Variants in ATP10A observed in about 807,000 individuals in gnomAD.
The protein encoded by ATP10A is ATPase phospholipid transporting 10A (putative).
In ATP10A, 111 loss-of-function variants were observed where a neutral mutation model predicts 147.8. The observed-to-expected ratio is 0.75, with a 90% CI of 0.64 to 0.88. ATP10A has a LOEUF of 0.88. Among genes scored for constraint, ATP10A ranks in the 40% least tolerant of loss-of-function variants. ATP10A has a pLI of 0.00. For missense variants in ATP10A, 1,927 were observed against 1,959.0 expected, an observed-to-expected ratio of 0.98 and a Z score of 0.31; for synonymous variants, 875 against 841.6, an observed-to-expected ratio of 1.04 and a Z score of -0.69.
intron 3 of ATP10A, among the ~76,000 whole-genome samples, chr15:25,729,528 C>T (rs1322654226): frequency 6.6e-6 from 1 of 152,196 alleles, no homozygotes; most frequent in Admixed American, 6.5e-5. Context: ...CACACAGGCA[C>T]CGGAGCAATC....
chr15:25,843,469 T>C (rs1338145189), intron 1 of ATP10A, among the ~76,000 whole-genome samples: 1 of 151,928 alleles, frequency 6.6e-6, no homozygotes, highest in Non-Finnish European at 1.5e-5. Flanking sequence ...GGATGATAGA[T>C]TTTCCCAAAC....
intron 16 of ATP10A, among the ~76,000 whole-genome samples, chr15:25,685,861 CT>C (rs1899685091): frequency 6.6e-6 from 1 of 151,252 alleles, no homozygotes; most frequent in African/African-American, 2.4e-5. Flanking sequence ...CAGGAATTAA[CT>C]TGCTCAAGAA....
chr15:25,801,986 G>A (rs1890959495), intron 1 of ATP10A, among the ~76,000 whole-genome samples: 1 of 152,146 alleles, frequency 6.6e-6, no homozygotes, highest in South Asian at 2.1e-4. Flanking sequence ...TGTTAACGCG[G>A]AGAACACGAG....
chr15:25,679,700 C>G lies in ATP10A; in HGVS notation c.4141G>C (p.Glu1381Gln). The change falls in exon 21 of 21, where the codon GAG (glutamate) becomes CAG (glutamine). Residue 1381 changes from glutamate (E) to glutamine (Q), a missense_variant. Transcript: ENST00000555815. Reference sequence around the variant, plus strand: ...CTCAGCCCCTCCAGCAGGGTGTGCTCCCTCACTGGCATGCTCATGTCCACT... The same window carrying G: ...CTCAGCCCCTCCAGCAGGGTGTGCTGCCTCACTGGCATGCTCATGTCCACT... ...STVDMSMPVR[E>Q]HTLLEGLSAP... is the part of the protein sequence containing the mutation. The G allele has an allele frequency of 6.2e-7, 1 of 1,613,276 alleles. No homozygotes were observed. The highest frequency in any genetic ancestry group is 8.5e-7 in the Non-Finnish European group (1 of 1,180,002).
chr15:25,689,667 G>T (rs1899907028), intron 15 of ATP10A, among the ~76,000 whole-genome samples: 1 of 152,198 alleles, frequency 6.6e-6, no homozygotes, highest in Non-Finnish European at 1.5e-5. Flanking sequence ...TCCCCAGGGA[G>T]GATGCACAGC....
chr15:25,694,492 C>T (rs1900203611), intron 14 of ATP10A, among the ~76,000 whole-genome samples: 1 of 152,190 alleles, frequency 6.6e-6, no homozygotes, highest in South Asian at 2.1e-4. Flanking sequence ...GTGTAGTGCC[C>T]TCTGCTGTGG....
intron 13 of ATP10A, among the ~76,000 whole-genome samples, chr15:25,698,564 T>C (rs1900479337): frequency 2.0e-5 from 3 of 152,170 alleles, no homozygotes; most frequent in Admixed American, 2.0e-4. Context: ...TAGTCAAGTT[T>C]TTGGAGAGTC....
At chr15:25,834,510 G>A (rs1892508376) in intron 1 of ATP10A, among the ~76,000 whole-genome samples, 1 of 152,220 alleles carries the variant, frequency 6.6e-6, no homozygotes, top group Non-Finnish European at 1.5e-5. Flanking sequence ...AAGCATTGGA[G>A]GATGTGGAGA....
At chr15:25,722,663 T>G (rs960698701) in intron 6 of ATP10A, among the ~76,000 whole-genome samples, 1 of 152,164 alleles carries the variant, frequency 6.6e-6, no homozygotes, top group Non-Finnish European at 1.5e-5. Flanking sequence ...AGAACAAAAT[T>G]TGCATTTATT....
intron 1 of ATP10A, among the ~76,000 whole-genome samples, chr15:25,836,631 T>A (rs185742446): frequency 9.2e-4 from 140 of 152,342 alleles, no homozygotes; most frequent in Non-Finnish European, 1.8e-3. Flanking sequence ...GCAGCCTCCC[T>A]GTTCCCTCAG....
In ATP10A at chr15:25,716,881, C is replaced by T. The variant is rs749239040; in HGVS notation, c.1625G>A (p.Ser542Asn). 1.9e-6 allele frequency: 3 copies of T among 1,602,664 alleles called. No individual in the cohort carries two copies. The African/African-American group carries it at 4.0e-5, about 22-fold the overall frequency. ...CACGGCTAGGCTCTTGTCACACTCA[C>T]TCACCTTCTCCAGCAGCTTTGGGTC... ...TPDPKLLEKVSECDKSLAVAR... is the reference protein window; with the variant it reads ...TPDPKLLEKVNECDKSLAVAR... The change falls in exon 9 of 21, where the codon AGT becomes AAT. Residue 542 changes from serine to asparagine, a missense_variant. By Grantham distance (46) the Ser-to-Asn change is conservative. Coordinates refer to ENST00000555815, the MANE Select transcript of ATP10A (RefSeq NM_024490.4).
Position 25,679,425 on chromosome 15 carries a change from A to G in ATP10A, c.4416T>C (p.Pro1472=), listed in dbSNP as rs1899237842. The G allele has an allele frequency of 1.2e-6, 2 of 1,613,712 alleles. No homozygotes were observed. The highest frequency in any genetic ancestry group is 8.5e-7 in the Non-Finnish European group (1 of 1,179,768). Residue 1472 remains proline (P), a synonymous_variant, in exon 21 of 21, where the codon CCT becomes CCC. Transcript: ENST00000555815. ...LADGQAGRGL[P]VQPHSGRSGL... ...CTGATCGGCCTGAGTGGGGCTGGAC[A>G]GGAAGTCCACGTCCCGCTTGTCCAT...
At chr15:25,766,910 A>C (rs911676322) in intron 2 of ATP10A, among the ~76,000 whole-genome samples, 11 of 151,122 alleles carry the variant, frequency 7.3e-5, no homozygotes, top group African/African-American at 2.7e-4. Flanking sequence ...TTCTAAAAAA[A>C]AAAAAAAAAA....
chr15:25,688,025 C>T (rs1360812295), intron 15 of ATP10A, 197 bp from the exon 16 acceptor site: 9 of 665,180 alleles, frequency 1.4e-5, no homozygotes, highest in Non-Finnish European at 2.1e-5. Context: ...CAATCTCACC[C>T]AACACGCTAG....
At chr15:25,774,490 C>T (rs947941240) in intron 2 of ATP10A, among the ~76,000 whole-genome samples, 6 of 152,012 alleles carry the variant, frequency 3.9e-5, no homozygotes, top group African/African-American at 1.4e-4. Context: ...AGGAGAATCA[C>T]TTGAACCCGG....
At chr15:25,702,142 G>C (rs773027899) in intron 12 of ATP10A, 42 bp from the exon 13 acceptor site, 32 of 1,567,830 alleles carry the variant, frequency 2.0e-5, no homozygotes, top group Non-Finnish European at 2.7e-5. Flanking sequence ...CGCTTCTCAC[G>C]TGCCCCCCAA....
chr15:25,841,011 T>C (rs1177640938), intron 1 of ATP10A, among the ~76,000 whole-genome samples: 3 of 152,204 alleles, frequency 2.0e-5, no homozygotes, highest in Non-Finnish European at 4.4e-5. Context: ...ATGTTCAATT[T>C]TGAGAGTTCT....
chr15:25,846,206 A>G (rs1893018535), intron 1 of ATP10A, among the ~76,000 whole-genome samples: 2 of 152,132 alleles, frequency 1.3e-5, no homozygotes, highest in South Asian at 4.1e-4. Context: ...GTTTGGGAGG[A>G]TAAAAAGTGT....
intron 2 of ATP10A, among the ~76,000 whole-genome samples, chr15:25,754,636 C>T (rs184478758): frequency 1.6e-4 from 24 of 152,228 alleles, no homozygotes; most frequent in African/African-American, 5.1e-4. Context: ...AAAGTCATCC[C>T]GGCCCTGAGA....
Sources: gnomAD v4.1 joint callset for allele counts (sites outside exome capture counted in the v4.1 genomes callset) on GRCh38, gnomAD v4.1.1 for gene constraint, MANE v1.5 for transcripts, NCBI Gene and HGNC (gene_info 2026-07-23, HGNC 2026-07-21) for gene names.